Variants in C3orf20 observed in about 807,000 individuals in gnomAD.
C3orf20 encodes the protein family with sequence similarity 149 member C.
A neutral mutation model predicts 88.3 loss-of-function variants in C3orf20; 76 were observed. The observed-to-expected ratio is 0.86, with a 90% CI of 0.72 to 1.04. The LOEUF (loss-of-function observed/expected upper bound fraction) is 1.04, where lower values mean the gene tolerates loss of function less well. Ranked by LOEUF, C3orf20 falls within the 50% of genes least tolerant of loss-of-function variation. The pLI, the probability that C3orf20 is intolerant of heterozygous loss-of-function variation, is 0.00. For missense variants in C3orf20, 1,056 were observed against 1,123.3 expected (o/e 0.94, Z 0.86); for synonymous variants, 436 against 437.4 (o/e 1.00, Z 0.04).
rs375145440 is a variant in C3orf20 at position 14,703,213 on chromosome 3, G to A, written c.829G>A (p.Asp277Asn). Reference protein sequence around the residue: ...GTPANSLEFSDPCPEAREKLQ... With the variant: ...GTPANSLEFSNPCPEAREKLQ... The stretch of plus-strand genomic sequence containing the variant: ...CCCTGCCAACAGCCTGGAGTTCAGC[G>A]ACCCCTGCCCTGAGGCCCGGGAGAA... Residue 277 changes from aspartate (D) to asparagine (N), a missense_variant, in exon 6 of 17, where the codon GAC becomes AAC. Physicochemically the swap from Asp to Asn is conservative, Grantham distance 23 (BLOSUM62 1). Transcript: ENST00000253697. The A allele has an allele frequency of 2.2e-5, 35 of 1,614,154 alleles. No homozygotes were observed. The highest frequency in any genetic ancestry group is 1.6e-4 in the Middle Eastern group (1 of 6,062).
rs533263395 is a variant in C3orf20 at position 14,704,504 on chromosome 3, C to T, written c.1046C>T (p.Thr349Ile). 4.3e-6 allele frequency: 7 copies of T among 1,614,084 alleles called. No individual in the cohort carries two copies. The highest frequency in any genetic ancestry group is 2.7e-5 in the African/African-American group (2 of 74,936). The change falls in exon 7 of 17, where the codon ACC (threonine) becomes ATC (isoleucine). Residue 349 changes from threonine (T) to isoleucine (I), a missense_variant. Coordinates refer to ENST00000253697, the MANE Select transcript of C3orf20 (RefSeq NM_032137.5). ...PTAGAQTLSPTSHPSSANHHF... is the reference protein window; with the variant it reads ...PTAGAQTLSPISHPSSANHHF... ...GCAGGTGCTCAGACTCTCAGCCCCA[C>T]CTCTCACCCATCTTCTGCCAACCAT...
intron 3 of C3orf20, among the ~76,000 whole-genome samples, chr3:14,683,484 C>T (rs1677102691): frequency 6.6e-6 from 1 of 152,132 alleles, no homozygotes; most frequent in African/African-American, 2.4e-5. Context: ...GGAGACAGCA[C>T]CCATGTCCGG....
intron 15 of C3orf20, among the ~76,000 whole-genome samples, chr3:14,770,913 A>G (rs2035843516): frequency 6.6e-6 from 1 of 152,232 alleles, no homozygotes; most frequent in Non-Finnish European, 1.5e-5. Context: ...ACTCAGAAAC[A>G]CTGACAATGA....
chr3:14,683,265 C>G, intron 3 of C3orf20, 68 bp downstream of exon 3: 1 of 1,505,292 alleles, frequency 6.6e-7, no homozygotes, highest in Non-Finnish European at 8.8e-7. Context: ...GAGGCACATG[C>G]TGGGAACAGG....
At chr3:14,731,128 T>C (rs2034529275) in intron 12 of C3orf20, among the ~76,000 whole-genome samples, 1 of 152,198 alleles carries the variant, frequency 6.6e-6, no homozygotes. Flanking sequence ...CTTATGCTAT[T>C]CCTTTGTAGC....
rs753552545 is a variant in C3orf20, at chr3:14,728,706, C to T, written c.1940+18C>T. 22 of 1,610,716 alleles carry T rather than the reference C, an allele frequency of 1.4e-5. No homozygotes were observed. Among genetic ancestry groups the T allele is most frequent in the Non-Finnish European group, 1.7e-5 (20 of 1,178,890 alleles). On this transcript the variant is annotated intron_variant, in intron 12 of 16. Transcript: ENST00000253697. ...ACATCCAGGTTGGCTTGGTCCTTCA[C>T]GTCTTCCGCAGCATCGGGTGTTGTG...
chr3:14,702,099 G>A (rs1170115199), intron 5 of C3orf20, among the ~76,000 whole-genome samples: 1 of 152,120 alleles, frequency 6.6e-6, no homozygotes, highest in Non-Finnish European at 1.5e-5. Flanking sequence ...CCAAGACTGG[G>A]AAGAAAAAGA....
intron 9 of C3orf20, among the ~76,000 whole-genome samples, chr3:14,717,641 C>T (rs1443238937): frequency 6.6e-6 from 1 of 151,960 alleles, no homozygotes; most frequent in Non-Finnish European, 1.5e-5. Flanking sequence ...TTGTTTTTGC[C>T]CAGATGTTTA....
chr3:14,695,790 C>G (rs1371214559), intron 5 of C3orf20, among the ~76,000 whole-genome samples: 1 of 152,056 alleles, frequency 6.6e-6, no homozygotes. Context: ...TCTATTTTGT[C>G]TAAGTATAGC....
At chr3:14,691,407 A>C (rs985545125) in intron 5 of C3orf20, among the ~76,000 whole-genome samples, 4 of 152,194 alleles carry the variant, frequency 2.6e-5, no homozygotes, top group Non-Finnish European at 5.9e-5. Flanking sequence ...AAGTACTCTC[A>C]AGACACCTGG....
At chr3:14,769,058 A>G (rs2035793946) in intron 15 of C3orf20, among the ~76,000 whole-genome samples, 1 of 151,904 alleles carries the variant, frequency 6.6e-6, no homozygotes, top group African/African-American at 2.4e-5. Flanking sequence ...TCGTTCATTC[A>G]CTCACTCATG....
At chr3:14,675,519 C>CG (rs397722950) in intron 1 of C3orf20, among the ~76,000 whole-genome samples, 137 of 151,512 alleles carry the variant, frequency 9.0e-4, no homozygotes, top group African/African-American at 3.2e-3. Context: ...AAGCTGTCAC[C>CG]TGGCCTATCG....
At chr3:14,696,246 CAAAG>C (rs1474150382) in intron 5 of C3orf20, among the ~76,000 whole-genome samples, 6 of 151,386 alleles carry the variant, frequency 4.0e-5, no homozygotes, top group Non-Finnish European at 8.8e-5. Context: ...TTTGCATAAA[CAAAG>C]AAACAAGCAA....
At chr3:14,747,531 G>T (rs2035090836) in intron 12 of C3orf20, among the ~76,000 whole-genome samples, 1 of 152,140 alleles carries the variant, frequency 6.6e-6, no homozygotes, top group South Asian at 2.1e-4. Context: ...ACAAATTTAG[G>T]ATCCAGTCTA....
intron 12 of C3orf20, among the ~76,000 whole-genome samples, chr3:14,747,102 A>G (rs191035857): frequency 1.8e-3 from 276 of 152,344 alleles, no homozygotes; most frequent in Admixed American, 3.1e-3. Flanking sequence ...TGAACAAGTT[A>G]GGGATGTTGT....
At chr3:14,730,733 G>A (rs559149852) in intron 12 of C3orf20, among the ~76,000 whole-genome samples, 1 of 152,092 alleles carries the variant, frequency 6.6e-6, no homozygotes. Flanking sequence ...TCCGTTTTCC[G>A]CCATGGTCGT....
At chr3:14,699,970 T>A (rs562230311) in intron 5 of C3orf20, among the ~76,000 whole-genome samples, 1 of 152,346 alleles carries the variant, frequency 6.6e-6, no homozygotes, top group Admixed American at 6.5e-5. Context: ...CAGGTCTAAA[T>A]GCTCCCTCCA....
At chr3:14,743,141 G>C (rs372892906) in intron 12 of C3orf20, among the ~76,000 whole-genome samples, 1 of 151,924 alleles carries the variant, frequency 6.6e-6, no homozygotes, top group Admixed American at 6.5e-5. Flanking sequence ...CTGAGACAAG[G>C]CAAGTCCCTT....
chr3:14,676,394 G>T (rs557670209), intron 1 of C3orf20, among the ~76,000 whole-genome samples: 1 of 152,186 alleles, frequency 6.6e-6, no homozygotes, highest in South Asian at 2.1e-4. Context: ...TCCAACTTAT[G>T]ATCTGCACAG....
Sources: gnomAD v4.1 joint callset for allele counts (sites outside exome capture counted in the v4.1 genomes callset) on GRCh38, gnomAD v4.1.1 for gene constraint, MANE v1.5 for transcripts, NCBI Gene and HGNC (gene_info 2026-07-23, HGNC 2026-07-21) for gene names.